Variants in LATS2 observed in about 807,000 individuals in gnomAD.
LATS2 encodes the protein serine/threonine-protein kinase LATS2.
Under a neutral mutation model 76.0 loss-of-function variants are expected in LATS2, and 24 were observed. The observed-to-expected ratio is 0.32, with a 90% CI of 0.23 to 0.44. The LOEUF is 0.44. LATS2 is among the 20% of genes least tolerant of loss of function. The pLI is 1.00. For missense variants in LATS2, 1,286 were observed against 1,481.2 expected (o/e 0.87, Z 2.16); for synonymous variants, 692 against 635.4 (o/e 1.09, Z -1.34).
At chr13:20,993,986 G>GA (rs1870629383) in intron 2 of LATS2, among the ~76,000 whole-genome samples, 1 of 152,200 alleles carries the variant, frequency 6.6e-6, no homozygotes, top group African/African-American at 2.4e-5. Context: ...CCTGCAGGGT[G>GA]AATCACCAGC....
intron 2 of LATS2, among the ~76,000 whole-genome samples, chr13:21,007,723 G>T (rs1465226992): frequency 4.9e-3 from 11 of 2,260 alleles, no homozygotes; most frequent in South Asian, 0.022. Flanking sequence ...TATATATATA[G>T]TATATATATA....
At chr13:21,028,399 T>A (rs1872396971) in intron 2 of LATS2, among the ~76,000 whole-genome samples, 1 of 152,166 alleles carries the variant, frequency 6.6e-6, no homozygotes, top group Non-Finnish European at 1.5e-5. Context: ...TATGTGTGCA[T>A]GTGTCTTTAT....
intron 2 of LATS2, among the ~76,000 whole-genome samples, chr13:21,003,249 T>A (rs1198044986): frequency 6.6e-6 from 1 of 151,942 alleles, no homozygotes; most frequent in Non-Finnish European, 1.5e-5. Context: ...ATTTTTAAAT[T>A]TATTATTATT....
chr13:21,025,456 G>A (rs941804961), intron 2 of LATS2, among the ~76,000 whole-genome samples: 2 of 151,878 alleles, frequency 1.3e-5, no homozygotes, highest in Non-Finnish European at 2.9e-5. Flanking sequence ...TGGCACCTGA[G>A]GGGGTCGGAC....
intron 4 of LATS2, among the ~76,000 whole-genome samples, chr13:20,986,314 G>A (rs1461558831): frequency 6.6e-6 from 1 of 152,142 alleles, no homozygotes; most frequent in Non-Finnish European, 1.5e-5. Context: ...AGGGATACCT[G>A]CACCCCATGT....
At chr13:21,024,476 C>T (rs1872224644) in intron 2 of LATS2, among the ~76,000 whole-genome samples, 1 of 151,878 alleles carries the variant, frequency 6.6e-6, no homozygotes, top group Non-Finnish European at 1.5e-5. Flanking sequence ...AAAAGTTAAC[C>T]CTTTTTAGGT....
intron 2 of LATS2, among the ~76,000 whole-genome samples, chr13:21,000,575 AATG>A (rs1955504959): frequency 6.6e-6 from 1 of 152,166 alleles, no homozygotes; most frequent in Admixed American, 6.5e-5. Context: ...TGATTTCCAT[AATG>A]ATGTCTGTCA....
intron 4 of LATS2, among the ~76,000 whole-genome samples, chr13:20,986,756 AG>A (rs1037729566): frequency 2.0e-5 from 3 of 152,206 alleles, no homozygotes; most frequent in Admixed American, 6.5e-5. Flanking sequence ...GCTAGAAGAG[AG>A]GTCTTGAAAT....
chr13:21,015,500 C>G (rs946099375), intron 2 of LATS2, among the ~76,000 whole-genome samples: 2 of 152,192 alleles, frequency 1.3e-5, no homozygotes, highest in African/African-American at 4.8e-5. Context: ...CCACAAAACC[C>G]AAGGAAAACT....
chr13:21,029,561 G>A (rs776021607), intron 2 of LATS2, among the ~76,000 whole-genome samples: 20 of 152,136 alleles, frequency 1.3e-4, no homozygotes, highest in Non-Finnish European at 2.6e-4. Context: ...GGGAGGCCAA[G>A]GCAGGCGTAT....
At chr13:21,053,587 C>T (rs1873351855) in intron 1 of LATS2, among the ~76,000 whole-genome samples, 1 of 152,148 alleles carries the variant, frequency 6.6e-6, no homozygotes, top group African/African-American at 2.4e-5. Context: ...CCTGCCAGTG[C>T]CACCCCAAAG....
intron 2 of LATS2, among the ~76,000 whole-genome samples, chr13:20,999,634 T>A (rs185673345): frequency 0.027 from 4,172 of 152,048 alleles, 192 homozygotes; most frequent in African/African-American, 0.095. Flanking sequence ...TTTTAAAAAA[T>A]TTTTTTGTAG....
rs1404968191 is a variant in LATS2, at chr13:20,988,647, C to T, written c.1133G>A (p.Arg378Gln). 8 of 1,582,608 alleles carry T rather than the reference C, an allele frequency of 5.1e-6. 1 individual carries two copies. Among genetic ancestry groups the T allele is most frequent in the South Asian group, 2.3e-5 (2 of 88,778 alleles). ...QQWPAATLAR[R>Q]DSLQKPGLEA... ...CAGGCCCGGCTTCTGCAGGGAGTCC[C>T]GGCGGGCCAGGGTGGCAGCCGGCCA... The change falls in exon 4 of 8, where the codon CGG (arginine) becomes CAG (glutamine). Residue 378 changes from arginine (R) to glutamine (Q), a missense_variant. Coordinates refer to ENST00000382592, the MANE Select transcript of LATS2 (RefSeq NM_014572.3).
At chr13:20,999,863 C>CAA (rs34389397) in intron 2 of LATS2, among the ~76,000 whole-genome samples, 79,561 of 136,022 alleles carry the variant, frequency 0.58, 24,859 homozygotes, top group East Asian at 0.84. Context: ...ACTAAACATA[C>CAA]AAAAAAAAAA....
chr13:20,991,708 T>C lies in LATS2; in HGVS notation c.343-304A>G, dbSNP rs1870517524. Among the ~76,000 whole-genome samples, 4 of 152,180 alleles carry C rather than the reference T, an allele frequency of 2.6e-5. No homozygotes were observed. Among genetic ancestry groups the C allele is most frequent in the Non-Finnish European group, 4.4e-5 (3 of 68,018 alleles). ...ATTCTGCTTCTCCTCAGAAAACTTT[T>C]GTGGTTGGACTGGTGAGTTCAGGAT... On this transcript the variant is annotated intron_variant, in intron 2 of 7. Transcript: ENST00000382592. This position sits in a 1 kb window ranked among gnomAD's most constrained non-coding sequence, Gnocchi z 4.9.
In LATS2 at chr13:21,007,687, A is replaced by AG. The variant is rs1373140691; in HGVS notation, c.343-16284_343-16283insC. On this transcript the variant is annotated intron_variant, in intron 2 of 7. Transcript: ENST00000382592. Reference sequence around the variant, plus strand: ...TAGTGTGTATATATATATATAGTATATATATATATATAGTATGTATATATA... The same window carrying AG: ...TAGTGTGTATATATATATATAGTATAGTATATATATATAGTATGTATATATA... Among the ~76,000 whole-genome samples, 3 of 556 alleles carry AG rather than the reference A, an allele frequency of 5.4e-3. 1 individual carries two copies. Among genetic ancestry groups the AG allele is most frequent in the Non-Finnish European group, 0.02 (2 of 102 alleles). 0.4% of individuals were successfully genotyped at this position (556 alleles called of 152,430 possible).
intron 2 of LATS2, among the ~76,000 whole-genome samples, chr13:21,007,753 T>C (rs1871408464): frequency 1.4e-4 from 1 of 7,158 alleles, no homozygotes; most frequent in Non-Finnish European, 2.7e-4. Context: ...TATATATATA[T>C]ATATATATTT....
rs565130670 is a variant in LATS2, at chr13:20,983,899, A to C, written c.1900-93T>G. 50 of 927,588 alleles carry C rather than the reference A, an allele frequency of 5.4e-5. No homozygotes were observed. The East Asian group carries it at 1.1e-3, about 20-fold the overall frequency. The allele number at this position is 927,588 out of a possible 1,614,324, so 57.5% of individuals were successfully genotyped here. On this transcript the variant is annotated intron_variant, in intron 4 of 7. Transcript: ENST00000382592. The stretch of plus-strand genomic sequence containing the variant: ...ATGGGGATGCCCTGGAACTGAGAGG[A>C]ACCTAGCTCATTTTACAGAAAGGAG...
intron 1 of LATS2, among the ~76,000 whole-genome samples, chr13:21,058,834 T>C (rs1332525636): frequency 6.6e-6 from 1 of 152,120 alleles, no homozygotes; most frequent in Admixed American, 6.5e-5. Flanking sequence ...CAAAATTTTG[T>C]GAGACACTGA....
Sources: gnomAD v4.1 joint callset for allele counts (sites outside exome capture counted in the v4.1 genomes callset) on GRCh38, gnomAD v4.1.1 for gene constraint, Gnocchi (gnomAD v3.1) non-coding constraint, MANE v1.5 for transcripts, NCBI Gene and HGNC (gene_info 2026-07-23, HGNC 2026-07-21) for gene names.